Variants in S100Z observed in about 807,000 individuals in gnomAD.
The protein encoded by S100Z is protein S100-Z.
A neutral mutation model predicts 8.5 loss-of-function variants in S100Z; 11 were observed. The ratio of observed to expected loss-of-function variants is 1.30; its 90% CI spans 0.82 to 2.15. The LOEUF (loss-of-function observed/expected upper bound fraction) is 2.15. S100Z is among the 30% of genes most tolerant of loss of function. S100Z has a pLI of 0.00. For missense variants in S100Z, 126 were observed against 117.9 expected, an observed-to-expected ratio of 1.07 and a Z score of -0.32; for synonymous variants, 34 against 43.8, an observed-to-expected ratio of 0.78 and a Z score of 0.89.
At chr5:76,931,450 A>T in the S100Z span, among the ~76,000 whole-genome samples, 5 of 152,076 alleles carry the variant, frequency 3.3e-5, no homozygotes, top group African/African-American at 1.2e-4. Flanking sequence ...TAATCTCATC[A>T]TGAGGTCCCC....
Position 76,859,229 on chromosome 5 carries a change from G to A in S100Z, c.-176+9074G>A, listed in dbSNP as rs6871376. Among the ~76,000 whole-genome samples, 901 of 152,288 alleles carry A rather than the reference G, an allele frequency of 5.9e-3. 9 individuals are homozygous for A. The highest frequency in any genetic ancestry group is 0.021 in the African/African-American group (859 of 41,554). On this transcript the variant is annotated intron_variant, in intron 1 of 4. Coordinates refer to ENST00000317593, the MANE Select transcript of S100Z (RefSeq NM_130772.4). ...ATATGATGCTCATATAATTAGGAGT[G>A]AAATCAAGATAGGAGGAATATATCC...
the S100Z span, among the ~76,000 whole-genome samples, chr5:76,943,348 T>C: frequency 0.65 from 98,686 of 152,062 alleles, 32,257 homozygotes; most frequent in South Asian, 0.76. Context: ...ACATATTGCA[T>C]GAGAGAGAGA....
the S100Z span, among the ~76,000 whole-genome samples, chr5:76,941,564 C>T: frequency 6.6e-6 from 1 of 152,272 alleles, no homozygotes; most frequent in East Asian, 1.9e-4. Flanking sequence ...ATGACCCAGT[C>T]TTGGGTATGT....
chr5:76,889,609 T>A (rs1743788833), intron 4 of S100Z, among the ~76,000 whole-genome samples: 2 of 152,238 alleles, frequency 1.3e-5, no homozygotes, highest in South Asian at 2.1e-4. Context: ...CAATGTTAAT[T>A]TCATGGCATT....
At chr5:76,864,482 AC>A (rs1284450689) in intron 1 of S100Z, among the ~76,000 whole-genome samples, 1 of 130,032 alleles carries the variant, frequency 7.7e-6, no homozygotes, top group Non-Finnish European at 1.6e-5. Context: ...GCTAACTGTA[AC>A]CTCTGCCTCC....
chr5:76,936,616 T>TAA, the S100Z span, among the ~76,000 whole-genome samples: 1 of 134,068 alleles, frequency 7.5e-6, no homozygotes. Context: ...TTAAAGTTCC[T>TAA]ACACACACAC....
chr5:76,945,348 C>T, the S100Z span, among the ~76,000 whole-genome samples: 1 of 152,114 alleles, frequency 6.6e-6, no homozygotes, highest in Non-Finnish European at 1.5e-5. Context: ...AAGACCTGAC[C>T]GTCCCCCAGC....
At chr5:76,877,913 T>C (rs1743258890) in intron 4 of S100Z, 79 bp downstream of exon 4, 3 of 879,656 alleles carry the variant, frequency 3.4e-6, no homozygotes, top group Non-Finnish European at 5.4e-6. Context: ...TTCAGATCTA[T>C]AGACCCAGTA....
At chr5:76,888,566 C>T (rs1010965867) in intron 4 of S100Z, among the ~76,000 whole-genome samples, 4 of 151,470 alleles carry the variant, frequency 2.6e-5, no homozygotes, top group East Asian at 2.0e-4. Flanking sequence ...TTGGTAGAGA[C>T]GAGGTTTCAC....
the S100Z span, among the ~76,000 whole-genome samples, chr5:76,949,100 G>T: frequency 1.3e-5 from 2 of 152,138 alleles, no homozygotes; most frequent in Non-Finnish European, 2.9e-5. Context: ...TAAAATAAAA[G>T]TTTTTAGGCC....
intron 4 of S100Z, among the ~76,000 whole-genome samples, chr5:76,907,003 TATATATATATATATATATATAC>T (rs1455940298): frequency 2.0e-3 from 31 of 15,806 alleles, no homozygotes; most frequent in African/African-American, 7.5e-3. Context: ...TATATATATA[TATATATATATATATATATATAC>T]ATATATATAT....
At chr5:76,939,636 C>T in the S100Z span, among the ~76,000 whole-genome samples, 1 of 151,264 alleles carries the variant, frequency 6.6e-6, no homozygotes, top group African/African-American at 2.4e-5. Flanking sequence ...CCTCAGCCTC[C>T]TGAGTAGCTG....
chr5:76,871,247 G>A (rs1267315449), intron 2 of S100Z, among the ~76,000 whole-genome samples: 2 of 152,118 alleles, frequency 1.3e-5, no homozygotes, highest in Admixed American at 6.6e-5. Flanking sequence ...CTTTTATGGG[G>A]GAAATTTTGC....
At chr5:76,909,206 T>C (rs11956287) in intron 4 of S100Z, among the ~76,000 whole-genome samples, 19,627 of 152,008 alleles carry the variant, frequency 0.13, 3,536 homozygotes, top group African/African-American at 0.4. Context: ...AAACCAAAAC[T>C]GTGGGCAGTT....
chr5:76,929,960 T>A, the S100Z span, among the ~76,000 whole-genome samples: 1 of 152,222 alleles, frequency 6.6e-6, no homozygotes, highest in African/African-American at 2.4e-5. Context: ...CACAAGAGAT[T>A]TGTAGACCTT....
At chr5:76,865,002 C>T (rs73132764) in intron 1 of S100Z, among the ~76,000 whole-genome samples, 5,535 of 152,142 alleles carry the variant, frequency 0.036, 329 homozygotes, top group African/African-American at 0.13. Flanking sequence ...CCACCACGCC[C>T]GGCCTACTAT....
At chr5:76,938,439 G>A in the S100Z span, among the ~76,000 whole-genome samples, 1 of 148,440 alleles carries the variant, frequency 6.7e-6, no homozygotes, top group East Asian at 2.0e-4. Context: ...TCTGTGGCTT[G>A]TCTTGAAGAA....
intron 1 of S100Z, among the ~76,000 whole-genome samples, chr5:76,855,270 C>T (rs1750851299): frequency 6.6e-6 from 1 of 152,194 alleles, no homozygotes; most frequent in Non-Finnish European, 1.5e-5. Context: ...GGGCCATTGT[C>T]CTCCAGACCC....
intron 1 of S100Z, among the ~76,000 whole-genome samples, chr5:76,851,304 G>A (rs1579985005): frequency 6.6e-6 from 1 of 152,202 alleles, no homozygotes; most frequent in Non-Finnish European, 1.5e-5. Context: ...GGCAGGGCCT[G>A]TCCAGGAGGT....
Sources: gnomAD v4.1 joint callset for allele counts (sites outside exome capture counted in the v4.1 genomes callset) on GRCh38, gnomAD v4.1.1 for gene constraint, MANE v1.5 for transcripts, NCBI Gene and HGNC (gene_info 2026-07-23, HGNC 2026-07-21) for gene names.